Variants in RCAN2 observed in about 807,000 individuals in gnomAD.
RCAN2 encodes the protein calcipressin-2.
RCAN2 carries 9 observed loss-of-function variants against 23.6 expected under a neutral mutation model. The ratio of observed to expected loss-of-function variants is 0.38; its 90% CI spans 0.23 to 0.67. The LOEUF (loss-of-function observed/expected upper bound fraction) is 0.67. Ranked by LOEUF, RCAN2 falls within the 30% of genes least tolerant of loss-of-function variation. The pLI is 0.51. For missense variants in RCAN2, 273 were observed against 302.3 expected (o/e 0.90, Z 0.72); for synonymous variants, 109 against 115.7 (o/e 0.94, Z 0.37).
At chr6:46,371,376 G>T (rs985137481) in intron 2 of RCAN2, among the ~76,000 whole-genome samples, 1 of 152,144 alleles carries the variant, frequency 6.6e-6, no homozygotes, top group Non-Finnish European at 1.5e-5. Context: ...ATGAGCACAG[G>T]GCTGCTGGCC....
chr6:46,223,359 G>A, intron 4 of RCAN2, 58 bp from the exon 5 acceptor site: 1 of 1,512,006 alleles, frequency 6.6e-7, no homozygotes, highest in Non-Finnish European at 9.1e-7. Context: ...AGAGATCCTG[G>A]AGCAGGGTCT....
chr6:46,316,964 G>A (rs959620434), intron 2 of RCAN2, among the ~76,000 whole-genome samples: 5 of 152,218 alleles, frequency 3.3e-5, no homozygotes, highest in Admixed American at 2.6e-4. Flanking sequence ...GTTTACCTTG[G>A]AGGTTTCCTG....
intron 2 of RCAN2, among the ~76,000 whole-genome samples, chr6:46,252,761 C>G (rs893042871): frequency 1.3e-5 from 2 of 152,166 alleles, no homozygotes; most frequent in African/African-American, 4.8e-5. Flanking sequence ...ACACCTGGAT[C>G]TCATATCTGC....
chr6:46,275,004 C>T (rs1049846100), intron 2 of RCAN2, among the ~76,000 whole-genome samples: 32 of 152,238 alleles, frequency 2.1e-4, no homozygotes, highest in African/African-American at 7.5e-4. Flanking sequence ...AATATAGTGG[C>T]GGATACTGAT....
intron 2 of RCAN2, among the ~76,000 whole-genome samples, chr6:46,431,907 T>C (rs1767221573): frequency 6.6e-6 from 1 of 152,216 alleles, no homozygotes; most frequent in African/African-American, 2.4e-5. Flanking sequence ...ATTGACTTTG[T>C]ATTGGAAACT....
At chr6:46,454,766 TAC>T (rs1767972379) in intron 2 of RCAN2, among the ~76,000 whole-genome samples, 1 of 152,252 alleles carries the variant, frequency 6.6e-6, no homozygotes. Flanking sequence ...AAACTTCGTA[TAC>T]ACATTAGATG....
chr6:46,328,161 G>GT lies in RCAN2; in HGVS notation c.226-79266dup, dbSNP rs200559436. On this transcript the variant is annotated intron_variant, in intron 2 of 4. Coordinates refer to ENST00000371374, the MANE Select transcript of RCAN2 (RefSeq NM_001251974.2). ...CCTACTTGAAGTTGTAAAATAGGCAGTTTTTTTTTTCTGATGTATCCTCAG... is the reference window on the plus strand; with the variant it reads ...CCTACTTGAAGTTGTAAAATAGGCAGTTTTTTTTTTTCTGATGTATCCTCAG... Among the ~76,000 whole-genome samples the GT allele has an allele frequency of 5.3e-3, 789 of 149,348 alleles. 9 individuals are homozygous for GT. The highest frequency in any genetic ancestry group is 0.017 in the African/African-American group (701 of 40,926).
At chr6:46,262,588 T>TTAAATAAATAAATAAATAAA (rs10526400) in intron 2 of RCAN2, among the ~76,000 whole-genome samples, 3,369 of 146,516 alleles carry the variant, frequency 0.023, 139 homozygotes, top group African/African-American at 0.073. Flanking sequence ...AGCCTCTGTC[T>TTAAATAAATAAATAAATAAA]TAAATAAATA....
intron 2 of RCAN2, among the ~76,000 whole-genome samples, chr6:46,414,300 A>G (rs191480859): frequency 2.2e-4 from 34 of 152,206 alleles, no homozygotes; most frequent in South Asian, 4.1e-4. Context: ...ACAAATTGCA[A>G]AGGCCTTGTA....
chr6:46,282,552 A>T lies in RCAN2; in HGVS notation c.226-33656T>A, dbSNP rs78701775. On this transcript the variant is annotated intron_variant, in intron 2 of 4. Coordinates refer to ENST00000371374, the MANE Select transcript of RCAN2 (RefSeq NM_001251974.2). ...GAAAATGATGCTGTCTTAATCCTTAAATTTCTCTGAAAAGATGACCCTCTA... is the reference window on the plus strand; with the variant it reads ...GAAAATGATGCTGTCTTAATCCTTATATTTCTCTGAAAAGATGACCCTCTA... 6.3e-3 allele frequency among the ~76,000 whole-genome samples: 956 copies of T among 152,274 alleles called. 24 individuals carry two copies. The East Asian group carries it at 0.075, about 12-fold the overall frequency.
At chr6:46,379,504 T>C (rs1765565843) in intron 2 of RCAN2, among the ~76,000 whole-genome samples, 1 of 152,142 alleles carries the variant, frequency 6.6e-6, no homozygotes, top group African/African-American at 2.4e-5. Flanking sequence ...TGTAACTCAT[T>C]TTAGCCCGGG....
chr6:46,437,569 C>G (rs1044887907), intron 2 of RCAN2, among the ~76,000 whole-genome samples: 67 of 152,144 alleles, frequency 4.4e-4, no homozygotes, highest in African/African-American at 1.5e-3. Flanking sequence ...TTGTTTCCAG[C>G]TATAAGTACT....
intron 1 of RCAN2, among the ~76,000 whole-genome samples, chr6:46,490,750 C>T (rs1158676805): frequency 2.0e-5 from 3 of 147,708 alleles, no homozygotes; most frequent in African/African-American, 5.0e-5. Context: ...ATCTTCTTTG[C>T]TCTCTGCATC....
intron 2 of RCAN2, among the ~76,000 whole-genome samples, chr6:46,380,827 T>C (rs143411510): frequency 8.3e-4 from 127 of 152,286 alleles, no homozygotes; most frequent in African/African-American, 2.9e-3. Flanking sequence ...GTAAAAAAGA[T>C]TGATAGATAA....
At chr6:46,237,508 T>G (rs1208622757) in intron 4 of RCAN2, among the ~76,000 whole-genome samples, 1 of 152,192 alleles carries the variant, frequency 6.6e-6, no homozygotes. Context: ...TCATAATGTT[T>G]CCCACCCCAC....
At chr6:46,243,823 A>AAC (rs1452729122) in intron 4 of RCAN2, among the ~76,000 whole-genome samples, 2 of 150,460 alleles carry the variant, frequency 1.3e-5, no homozygotes, top group African/African-American at 2.5e-5. Flanking sequence ...AAAAAAAAAA[A>AAC]AAAAAAAAAC....
chr6:46,386,500 C>T (rs1184512897), intron 2 of RCAN2, among the ~76,000 whole-genome samples: 1 of 147,052 alleles, frequency 6.8e-6, no homozygotes, highest in Non-Finnish European at 1.5e-5. Flanking sequence ...CCCAGCTACT[C>T]GGGAGGCTGA....
intron 2 of RCAN2, 130 bp downstream of exon 2, chr6:46,456,622 C>T (rs372869314): frequency 4.5e-6 from 3 of 664,088 alleles, no homozygotes; most frequent in East Asian, 2.7e-5. Context: ...TATCCTGGTA[C>T]ACATGCCAAA....
chr6:46,338,035 T>C (rs1764195548), intron 2 of RCAN2, among the ~76,000 whole-genome samples: 1 of 152,206 alleles, frequency 6.6e-6, no homozygotes, highest in South Asian at 2.1e-4. Context: ...AGTAGAGGGA[T>C]GCTGGGCAGC....
Sources: allele counts gnomAD v4.1 joint callset (sites outside exome capture counted in the v4.1 genomes callset), GRCh38; gene constraint gnomAD v4.1.1; transcripts MANE v1.5; gene names NCBI Gene and HGNC (gene_info 2026-07-23, HGNC 2026-07-21).